LRP1B: variants seen among roughly 807,000 people sequenced by gnomAD.
The protein encoded by LRP1B is LDL receptor related protein 1B, also known as low-density lipoprotein receptor-related protein 1B.
LRP1B carries 217 observed loss-of-function variants against 556.6 expected under a neutral mutation model. The observed-to-expected ratio is 0.39, with a 90% CI of 0.35 to 0.44. The LOEUF (loss-of-function observed/expected upper bound fraction) is 0.44. Ranked by LOEUF, LRP1B falls within the 20% of genes least tolerant of loss-of-function variation. LRP1B has a pLI of 1.00. For missense variants in LRP1B, 5,053 were observed against 5,620.8 expected, an observed-to-expected ratio of 0.90 and a Z score of 3.23; for synonymous variants, 2,047 against 1,865.8, an observed-to-expected ratio of 1.10 and a Z score of -2.50.
intron 1 of LRP1B, among the ~76,000 whole-genome samples, chr2:141,919,546 A>G (rs1044644401): frequency 5.3e-5 from 8 of 152,088 alleles, no homozygotes; most frequent in Non-Finnish European, 1.2e-4. Context: ...TATGTGAAAC[A>G]GGTGTCAATA....
rs566853984 is a variant in LRP1B, at chr2:141,681,275, G to A, written c.205+129004C>T. Among the ~76,000 whole-genome samples the A allele has an allele frequency of 1.6e-3, 242 of 151,982 alleles. 1 individual carries two copies. The highest frequency in any genetic ancestry group is 2.7e-3 in the Non-Finnish European group (186 of 67,950). ...ACTACTGCACTCCAGCCTGGGTGAC[G>A]GAGCAAGAGCTCGTCTCAAAAAATA... On this transcript the variant is annotated intron_variant, in intron 2 of 90. Coordinates refer to ENST00000389484, the MANE Select transcript of LRP1B (RefSeq NM_018557.3).
At chr2:142,012,573 C>T (rs575417179) in intron 1 of LRP1B, among the ~76,000 whole-genome samples, 5 of 152,158 alleles carry the variant, frequency 3.3e-5, no homozygotes, top group African/African-American at 1.2e-4. Context: ...GAAAAGAAAA[C>T]TGATGCCCCA....
chr2:140,620,873 A>G (rs1041393514), intron 41 of LRP1B, among the ~76,000 whole-genome samples: 1 of 152,146 alleles, frequency 6.6e-6, no homozygotes, highest in African/African-American at 2.4e-5. Flanking sequence ...GAACTCTAAA[A>G]TTAACATGAA....
At chr2:140,640,421 C>A (rs501737) in intron 41 of LRP1B, among the ~76,000 whole-genome samples, 64,272 of 84,212 alleles carry the variant, frequency 0.76, 24,183 homozygotes, top group Middle Eastern at 0.87. Flanking sequence ...TTTGAGATGG[C>A]GTCTCGCTCT....
At chr2:140,712,077 A>T (rs1372443379) in intron 37 of LRP1B, among the ~76,000 whole-genome samples, 1 of 152,086 alleles carries the variant, frequency 6.6e-6, no homozygotes, top group Non-Finnish European at 1.5e-5. Flanking sequence ...TTTGTCCCTA[A>T]CAGCTCACAC....
At chr2:140,713,288 C>T (rs546040524) in intron 37 of LRP1B, among the ~76,000 whole-genome samples, 2 of 151,716 alleles carry the variant, frequency 1.3e-5, no homozygotes, top group Admixed American at 6.6e-5. Flanking sequence ...GACCTGACTC[C>T]CTTTGGTATT....
intron 2 of LRP1B, among the ~76,000 whole-genome samples, chr2:141,495,370 A>C (rs1212663577): frequency 6.6e-6 from 1 of 152,124 alleles, no homozygotes; most frequent in Non-Finnish European, 1.5e-5. Flanking sequence ...TGAGCAGGAA[A>C]ATGGTCAACG....
intron 66 of LRP1B, among the ~76,000 whole-genome samples, chr2:140,412,672 AAT>A (rs1232914403): frequency 6.6e-6 from 1 of 152,052 alleles, no homozygotes; most frequent in Non-Finnish European, 1.5e-5. Flanking sequence ...CTCTATGATA[AAT>A]ATGATTTCTT....
intron 7 of LRP1B, among the ~76,000 whole-genome samples, chr2:141,158,551 G>A (rs906665232): frequency 6.6e-6 from 1 of 152,070 alleles, no homozygotes; most frequent in Non-Finnish European, 1.5e-5. Flanking sequence ...TGTTCTCTCT[G>A]TGGCCCATCT....
At chr2:140,413,460 T>TA (rs1445643255) in intron 66 of LRP1B, among the ~76,000 whole-genome samples, 2 of 152,174 alleles carry the variant, frequency 1.3e-5, no homozygotes, top group South Asian at 2.1e-4. Flanking sequence ...AAGACAACGC[T>TA]ACACCTAGAA....
chr2:141,607,109 C>T (rs559956035), intron 2 of LRP1B, among the ~76,000 whole-genome samples: 1 of 151,366 alleles, frequency 6.6e-6, no homozygotes, highest in African/African-American at 2.4e-5. Flanking sequence ...TTGATTCATA[C>T]CCTTACAAAA....
intron 3 of LRP1B, among the ~76,000 whole-genome samples, chr2:141,305,575 GC>G (rs1439570605): frequency 6.6e-6 from 1 of 152,116 alleles, no homozygotes; most frequent in Non-Finnish European, 1.5e-5. Flanking sequence ...CAGTTTGGAT[GC>G]CTTTTCTTTC....
At chr2:141,916,557 T>G (rs1700039115) in intron 1 of LRP1B, among the ~76,000 whole-genome samples, 1 of 150,094 alleles carries the variant, frequency 6.7e-6, no homozygotes, top group Admixed American at 6.7e-5. Context: ...TTTTTTTTTT[T>G]TTTTTAAGTG....
chr2:141,975,498 T>C (rs1227566629), intron 1 of LRP1B, among the ~76,000 whole-genome samples: 2 of 152,038 alleles, frequency 1.3e-5, no homozygotes, highest in African/African-American at 2.4e-5. Context: ...TATAAATGGA[T>C]TGAAGGAAGA....
intron 76 of LRP1B, among the ~76,000 whole-genome samples, chr2:140,351,756 AAAT>A (rs749289635): frequency 1.3e-5 from 2 of 152,170 alleles, no homozygotes; most frequent in East Asian, 1.9e-4. Flanking sequence ...TTCTGCAAAT[AAAT>A]AATAATAATA....
At chr2:141,607,168 A>G (rs1687944224) in intron 2 of LRP1B, among the ~76,000 whole-genome samples, 2 of 149,204 alleles carry the variant, frequency 1.3e-5, no homozygotes, top group South Asian at 4.3e-4. Flanking sequence ...AAAAAAAAAA[A>G]ACAATTAATA....
intron 3 of LRP1B, among the ~76,000 whole-genome samples, chr2:141,422,127 T>C (rs1573927636): frequency 6.6e-6 from 1 of 152,220 alleles, no homozygotes; most frequent in African/African-American, 2.4e-5. Flanking sequence ...AACTTTTTCA[T>C]CTACAAAATA....
chr2:142,074,597 T>A (rs1170332021), intron 1 of LRP1B, among the ~76,000 whole-genome samples: 1 of 152,056 alleles, frequency 6.6e-6, no homozygotes, highest in African/African-American at 2.4e-5. Flanking sequence ...TCAATATGTT[T>A]CCAGCTGGAA....
chr2:142,013,714 A>G (rs1363633776), intron 1 of LRP1B, among the ~76,000 whole-genome samples: 1 of 152,102 alleles, frequency 6.6e-6, no homozygotes, highest in African/African-American at 2.4e-5. Flanking sequence ...TAAATATATT[A>G]TTGTACTAAT....
Sources: allele counts gnomAD v4.1 joint callset (sites outside exome capture counted in the v4.1 genomes callset), GRCh38; gene constraint gnomAD v4.1.1; transcripts MANE v1.5; gene names NCBI Gene and HGNC (gene_info 2026-07-23, HGNC 2026-07-21).